HS2ST1: variants seen among roughly 807,000 people sequenced by gnomAD.
HS2ST1 encodes heparan sulfate 2-O-sulfotransferase 1, also known as 2-O-sulfotransferase.
A neutral mutation model predicts 42.9 loss-of-function variants in HS2ST1; 18 were observed. The ratio of observed to expected loss-of-function variants is 0.42; its 90% CI spans 0.29 to 0.62. The LOEUF (loss-of-function observed/expected upper bound fraction) is 0.62. Ranked by LOEUF, HS2ST1 falls within the 20% of genes least tolerant of loss-of-function variation. The probability of loss-of-function intolerance (pLI) is 0.21; values close to 1 mark genes in which losing one functional copy is unlikely to be tolerated. For synonymous variants in HS2ST1, 146 were observed against 152.9 expected, an observed-to-expected ratio of 0.95 and a Z score of 0.33; for missense variants, 334 against 433.8, an observed-to-expected ratio of 0.77 and a Z score of 2.04.
At chr1:87,096,705 A>G (rs557867530) in intron 4 of HS2ST1, among the ~76,000 whole-genome samples, 35 of 152,304 alleles carry the variant, frequency 2.3e-4, no homozygotes, top group Admixed American at 1.1e-3. Flanking sequence ...GAGAACGAGA[A>G]TTGCCTTCAA....
chr1:87,040,794 G>GA (rs928155027), intron 1 of HS2ST1, among the ~76,000 whole-genome samples: 3 of 152,138 alleles, frequency 2.0e-5, no homozygotes, highest in African/African-American at 7.2e-5. Flanking sequence ...GTCTCAGGGG[G>GA]AAAAAAGCCA....
intron 3 of HS2ST1, among the ~76,000 whole-genome samples, chr1:87,085,780 T>C (rs1651803790): frequency 6.6e-6 from 1 of 152,226 alleles, no homozygotes; most frequent in African/African-American, 2.4e-5. Context: ...GTTTTCATTA[T>C]TAAAATTATA....
intron 1 of HS2ST1, among the ~76,000 whole-genome samples, chr1:86,954,808 A>G (rs962175964): frequency 2.6e-5 from 4 of 152,228 alleles, no homozygotes; most frequent in African/African-American, 7.2e-5. Context: ...GACAAAATAT[A>G]TATCAGAATA....
At chr1:86,975,551 G>A (rs983125087) in intron 1 of HS2ST1, among the ~76,000 whole-genome samples, 2 of 152,080 alleles carry the variant, frequency 1.3e-5, no homozygotes, top group African/African-American at 4.8e-5. Context: ...TGCTTAAAGG[G>A]AATGGCAGAG....
intron 1 of HS2ST1, among the ~76,000 whole-genome samples, chr1:87,032,912 T>G (rs1228434454): frequency 6.6e-6 from 1 of 152,234 alleles, no homozygotes; most frequent in Admixed American, 6.5e-5. Context: ...CCATGTGTGA[T>G]TACTGTCCTT....
intron 1 of HS2ST1, among the ~76,000 whole-genome samples, chr1:87,070,748 G>T (rs941094360): frequency 6.6e-6 from 1 of 152,066 alleles, no homozygotes; most frequent in Admixed American, 6.6e-5. Context: ...TATGGTATGT[G>T]CTTCTTTAAA....
chr1:87,096,472 G>C (rs1557544785), intron 4 of HS2ST1, among the ~76,000 whole-genome samples: 1 of 152,026 alleles, frequency 6.6e-6, no homozygotes, highest in Non-Finnish European at 1.5e-5. Flanking sequence ...TTAAGTATTG[G>C]GAGACTGTCA....
intron 1 of HS2ST1, among the ~76,000 whole-genome samples, chr1:87,060,356 AT>A (rs1651086492): frequency 6.6e-6 from 1 of 152,184 alleles, no homozygotes; most frequent in Non-Finnish European, 1.5e-5. Flanking sequence ...GTTCTATAAT[AT>A]TGTAGTGCTG....
intron 1 of HS2ST1, among the ~76,000 whole-genome samples, chr1:86,939,014 TG>T (rs763906256): frequency 2.2e-4 from 34 of 152,214 alleles, no homozygotes; most frequent in Non-Finnish European, 3.5e-4. Flanking sequence ...GCTCAAGTGT[TG>T]TTTTTTTTAG....
intron 1 of HS2ST1, among the ~76,000 whole-genome samples, chr1:86,951,220 CAT>C (rs1441020056): frequency 6.6e-6 from 1 of 152,172 alleles, no homozygotes; most frequent in Non-Finnish European, 1.5e-5. Flanking sequence ...CCCCACCATG[CAT>C]AGTCTCAATG....
At chr1:87,103,953 G>A (rs534217015) in intron 6 of HS2ST1, among the ~76,000 whole-genome samples, 8 of 152,280 alleles carry the variant, frequency 5.3e-5, no homozygotes, top group African/African-American at 1.9e-4. Context: ...AGCAGCCTCA[G>A]CCGTATTATC....
chr1:86,993,257 A>G (rs1295658329), intron 1 of HS2ST1: 7 of 1,168,830 alleles, frequency 6.0e-6, no homozygotes, highest in Non-Finnish European at 8.3e-6. Context: ...CTAAAAACTG[A>G]TAATAGGATT....
At chr1:86,926,447 G>T (rs1010049721) in intron 1 of HS2ST1, among the ~76,000 whole-genome samples, 1 of 152,090 alleles carries the variant, frequency 6.6e-6, no homozygotes, top group Non-Finnish European at 1.5e-5. Flanking sequence ...CTCTCCCTGT[G>T]CTATAGCCTA....
At chr1:87,060,720 C>T (rs1651098118) in intron 1 of HS2ST1, among the ~76,000 whole-genome samples, 1 of 152,098 alleles carries the variant, frequency 6.6e-6, no homozygotes, top group Non-Finnish European at 1.5e-5. Context: ...AAGGTTATAA[C>T]TTATAAGGAT....
intron 2 of HS2ST1, among the ~76,000 whole-genome samples, chr1:87,073,526 G>A (rs974477725): frequency 1.3e-5 from 2 of 151,922 alleles, no homozygotes; most frequent in South Asian, 4.2e-4. Flanking sequence ...AATATTTGAT[G>A]GATACTTGTA....
chr1:86,937,618 C>T (rs1273357299), intron 1 of HS2ST1, among the ~76,000 whole-genome samples: 1 of 152,120 alleles, frequency 6.6e-6, no homozygotes, highest in Non-Finnish European at 1.5e-5. Flanking sequence ...TACATTTTTT[C>T]AGCATCTTAT....
chr1:86,916,730 T>C (rs1328327365), intron 1 of HS2ST1, among the ~76,000 whole-genome samples: 1 of 152,236 alleles, frequency 6.6e-6, no homozygotes, highest in Non-Finnish European at 1.5e-5. Context: ...CAGGGTCATA[T>C]TCTGGCGTTA....
At chr1:86,964,739 A>C (rs1647993821) in intron 1 of HS2ST1, among the ~76,000 whole-genome samples, 1 of 152,232 alleles carries the variant, frequency 6.6e-6, no homozygotes, top group African/African-American at 2.4e-5. Context: ...CTACACACAG[A>C]CACACATGTA....
chr1:86,963,898 G>C (rs1344982449), intron 1 of HS2ST1, among the ~76,000 whole-genome samples: 1 of 147,078 alleles, frequency 6.8e-6, no homozygotes, highest in Non-Finnish European at 1.5e-5. Flanking sequence ...CCTGGCGGGG[G>C]CTGCCCCCCA....
Sources: gnomAD v4.1 joint callset for allele counts (sites outside exome capture counted in the v4.1 genomes callset) on GRCh38, gnomAD v4.1.1 for gene constraint, MANE v1.5 for transcripts, NCBI Gene and HGNC (gene_info 2026-07-23, HGNC 2026-07-21) for gene names.